The following APLP2 variants were observed in gnomAD, a reference collection of about 807,000 sequenced individuals.
APLP2 encodes the protein CDEI box-binding protein.
In APLP2, 53 loss-of-function variants were observed where a neutral mutation model predicts 89.9. That is an observed-to-expected ratio of 0.59 (90% CI 0.47 to 0.74). The LOEUF (loss-of-function observed/expected upper bound fraction) is 0.74. Ranked by LOEUF, APLP2 falls within the 30% of genes least tolerant of loss-of-function variation. The probability of loss-of-function intolerance (pLI) is 0.00; values close to 1 mark genes in which losing one functional copy is unlikely to be tolerated. For missense variants in APLP2, 973 were observed against 975.9 expected (o/e 1.00, Z 0.04); for synonymous variants, 372 against 348.6 (o/e 1.07, Z -0.75).
At chr11:130,105,532 CTCTACAAGT>C (rs770211993) in intron 1 of APLP2, among the ~76,000 whole-genome samples, 12 of 152,290 alleles carry the variant, frequency 7.9e-5, no homozygotes, top group South Asian at 2.1e-4. Flanking sequence ...AACCCTCCTC[CTCTACAAGT>C]TTTAACTTAA....
intron 6 of APLP2, among the ~76,000 whole-genome samples, chr11:130,122,836 G>A (rs1048130539): frequency 3.3e-5 from 5 of 152,130 alleles, no homozygotes; most frequent in African/African-American, 4.8e-5. Context: ...TCCCCTCTTC[G>A]ATACCACTCA....
At chr11:130,132,137 G>A (rs1215645951) in intron 11 of APLP2, among the ~76,000 whole-genome samples, 1 of 152,148 alleles carries the variant, frequency 6.6e-6, no homozygotes, top group Non-Finnish European at 1.5e-5. Flanking sequence ...GAACCTTCCT[G>A]TCTCACACGG....
At chr11:130,096,274 G>T (rs1946198701) in intron 1 of APLP2, among the ~76,000 whole-genome samples, 2 of 152,300 alleles carry the variant, frequency 1.3e-5, no homozygotes, top group South Asian at 2.1e-4. Flanking sequence ...TGTGGCAGGG[G>T]CTGCATCATG....
chr11:130,127,541 C>T (rs1950517831), intron 8 of APLP2, among the ~76,000 whole-genome samples: 1 of 152,064 alleles, frequency 6.6e-6, no homozygotes, highest in African/African-American at 2.4e-5. Flanking sequence ...ATAACTTACT[C>T]AAGGTTATGT....
chr11:130,119,388 A>G (rs1212383217), intron 3 of APLP2, among the ~76,000 whole-genome samples: 1 of 152,094 alleles, frequency 6.6e-6, no homozygotes, highest in Non-Finnish European at 1.5e-5. Context: ...TCATCCAGTG[A>G]TGTGTTGTAT....
chr11:130,077,264 CAGA>C (rs1246554241), intron 1 of APLP2, among the ~76,000 whole-genome samples: 1 of 152,058 alleles, frequency 6.6e-6, no homozygotes, highest in African/African-American at 2.4e-5. Flanking sequence ...TAATGCTATC[CAGA>C]AGAGAATGGC....
At chr11:130,070,435 G>T in intron 1 of APLP2, 1 of 496,826 alleles carries the variant, frequency 2.0e-6, no homozygotes, top group Non-Finnish European at 2.7e-6. Context: ...GACAATGCCA[G>T]GGCGCTCCTC....
intron 1 of APLP2, among the ~76,000 whole-genome samples, chr11:130,098,919 T>G (rs933561097): frequency 6.6e-6 from 1 of 152,218 alleles, no homozygotes; most frequent in African/African-American, 2.4e-5. Context: ...TATTTTATTA[T>G]TAATATTTAA....
At chr11:130,115,681 A>G (rs991075696) in intron 3 of APLP2, among the ~76,000 whole-genome samples, 5 of 152,242 alleles carry the variant, frequency 3.3e-5, no homozygotes, top group Non-Finnish European at 7.3e-5. Flanking sequence ...ACCAGCTTGA[A>G]TATAAATTAC....
chr11:130,095,972 A>G (rs1432260175), intron 1 of APLP2, among the ~76,000 whole-genome samples: 2 of 151,858 alleles, frequency 1.3e-5, no homozygotes, highest in Non-Finnish European at 2.9e-5. Context: ...CATTCTAGTG[A>G]TGGGAGATGG....
chr11:130,113,149 C>A (rs1948787808), intron 3 of APLP2, among the ~76,000 whole-genome samples: 1 of 152,210 alleles, frequency 6.6e-6, no homozygotes, highest in African/African-American at 2.4e-5. Context: ...AGCAGCGACC[C>A]TGTTTTAGTC....
chr11:130,099,557 G>A (rs1210826113), intron 1 of APLP2, among the ~76,000 whole-genome samples: 1 of 152,128 alleles, frequency 6.6e-6, no homozygotes, highest in East Asian at 1.9e-4. Context: ...CCGGAAGCTG[G>A]GCTAGAGCCA....
chr11:130,127,695 G>A, intron 8 of APLP2, 71 bp from the exon 9 acceptor site: 2 of 1,290,910 alleles, frequency 1.5e-6, no homozygotes, highest in South Asian at 1.2e-5. Context: ...ATCTGACAGT[G>A]TTTTTAGCAA....
At chr11:130,121,979 T>C (rs1949878373) in intron 5 of APLP2, among the ~76,000 whole-genome samples, 169 bp downstream of exon 5, 1 of 152,164 alleles carries the variant, frequency 6.6e-6, no homozygotes, top group Admixed American at 6.5e-5. Flanking sequence ...ATCACAGGAG[T>C]ACCTGTGATT....
At position 130,109,538 on chromosome 11, in the gene APLP2, C is replaced by A. The variant is rs747826072; in HGVS notation, c.215C>A (p.Pro72His). ...HVNIQTGKWE[P>H]DPTGTKSCFE... The stretch of plus-strand genomic sequence containing the variant: ...AACATTCAGACTGGGAAATGGGAAC[C>A]TGATCCAACAGGCACCAAGAGCTGC... Residue 72 changes from proline to histidine, a missense_variant, in exon 2 of 17, where the codon CCT becomes CAT. Pro to His is a moderately conservative substitution (Grantham distance 77). Transcript: ENST00000338167. 6.2e-7 allele frequency: 1 copy of A among 1,613,568 alleles called. No individual in the cohort carries two copies. Among genetic ancestry groups the A allele is most frequent in the South Asian group, 1.1e-5 (1 of 91,024 alleles).
chr11:130,069,994 C>G lies in APLP2; in HGVS notation c.17C>G (p.Thr6Ser). The stretch of plus-strand genomic sequence containing the variant: ...CGGCGAGGGATGGCGGCCACCGGGA[C>G]CGCGGCCGCCGCAGCCACGGGCAGG... MAATG[T>S]AAAAATGRLL... is the part of the protein sequence containing the mutation. Residue 6 changes from threonine (T) to serine (S), a missense_variant, in exon 1 of 17, where the codon ACC becomes AGC. Transcript: ENST00000338167. 1 of 1,502,214 alleles carries G rather than the reference C, an allele frequency of 6.7e-7. No homozygotes were observed. The highest frequency in any genetic ancestry group is 8.8e-7 in the Non-Finnish European group (1 of 1,130,338). 93.1% of individuals were successfully genotyped at this position (1,502,214 alleles called of 1,614,324 possible).
chr11:130,122,226 C>G, intron 5 of APLP2, 79 bp from the exon 6 acceptor site: 1 of 1,515,096 alleles, frequency 6.6e-7, no homozygotes, highest in Admixed American at 1.8e-5. Flanking sequence ...TTTTGTGTTT[C>G]AGAATAGAGA....
intron 1 of APLP2, 21 bp from the exon 2 acceptor site, chr11:130,109,408 C>A (rs780391241): frequency 1.9e-5 from 31 of 1,601,228 alleles, no homozygotes; most frequent in Non-Finnish European, 2.6e-5. Flanking sequence ...AGTAAACCTG[C>A]AATTTTTTTC....
rs1033725335 is a variant in APLP2, at chr11:130,141,382, C to T, written c.1924-116C>T. ...ACAGAACTGGTTGGTTAATGGGGGTCCCACAGGTACCTGCTTCCTTCCATC... is the reference window on the plus strand; with the variant it reads ...ACAGAACTGGTTGGTTAATGGGGGTTCCACAGGTACCTGCTTCCTTCCATC... On this transcript the variant is annotated intron_variant, in intron 14 of 16. Coordinates refer to ENST00000338167, the MANE Select transcript of APLP2 (RefSeq NM_001142276.2). This position sits in a 1 kb window ranked among gnomAD's most constrained non-coding sequence, Gnocchi z 4.2. 10 of 817,572 alleles carry T rather than the reference C, an allele frequency of 1.2e-5. No homozygotes were observed. Among genetic ancestry groups the T allele is most frequent in the African/African-American group, 3.4e-5 (2 of 59,536 alleles). 50.6% of individuals were successfully genotyped at this position (817,572 alleles called of 1,614,324 possible). A position where few individuals can be genotyped will look rare whatever the true frequency, so the allele number is the denominator to read the frequency against.
Sources: gnomAD v4.1 joint callset for allele counts (sites outside exome capture counted in the v4.1 genomes callset) on GRCh38, gnomAD v4.1.1 for gene constraint, Gnocchi (gnomAD v3.1) non-coding constraint, MANE v1.5 for transcripts, NCBI Gene and HGNC (gene_info 2026-07-23, HGNC 2026-07-21) for gene names.